The following AMPH variants were observed in gnomAD, a reference collection of about 807,000 sequenced individuals.
The protein encoded by AMPH is amphiphysin (Stiff-Mann syndrome with breast cancer 128kD autoantigen).
In AMPH, 49 loss-of-function variants were observed where a neutral mutation model predicts 99.1. The observed-to-expected ratio is 0.49, with a 90% CI of 0.39 to 0.63. The LOEUF (loss-of-function observed/expected upper bound fraction) is 0.63, where lower values mean the gene tolerates loss of function less well. AMPH is among the 20% of genes least tolerant of loss of function. The pLI is 0.00. For synonymous variants in AMPH, 314 were observed against 317.3 expected (o/e 0.99, Z 0.11); for missense variants, 759 against 863.4 (o/e 0.88, Z 1.52).
At chr7:38,464,000 T>C in intron 9 of AMPH, 3 of 1,221,152 alleles carry the variant, frequency 2.5e-6, no homozygotes, top group South Asian at 1.3e-5. Context: ...ACATGCCACA[T>C]GATTGGGGTC....
intron 1 of AMPH, among the ~76,000 whole-genome samples, chr7:38,577,565 C>A (rs77644163): frequency 0.029 from 4,367 of 152,102 alleles, 181 homozygotes; most frequent in East Asian, 0.084. Flanking sequence ...TCCTGAAAAC[C>A]AGCACTTAAC....
intron 1 of AMPH, among the ~76,000 whole-genome samples, chr7:38,602,976 A>C (rs1244840673): frequency 2.6e-5 from 4 of 152,188 alleles, no homozygotes; most frequent in Non-Finnish European, 5.9e-5. Flanking sequence ...TTAAACTAAA[A>C]GGATATGATG....
chr7:38,561,806 C>T (rs139028422), intron 1 of AMPH, among the ~76,000 whole-genome samples: 45 of 152,138 alleles, frequency 3.0e-4, no homozygotes, highest in African/African-American at 9.2e-4. Flanking sequence ...GGAACAGACA[C>T]CAGCGTTTCC....
rs528030560 is a variant in AMPH, at chr7:38,385,843, AG to A, written c.1981-919del. ...GTCTAGCTGGAAAAGCTGTGTTGAA[AG>A]GAACAGTGGGAAATGAGACCATAGG... On this transcript the variant is annotated intron_variant, in intron 20 of 20. Transcript: ENST00000356264. 1.9e-3 allele frequency among the ~76,000 whole-genome samples: 294 copies of A among 152,330 alleles called. 1 individual carries two copies. The highest frequency in any genetic ancestry group is 6.7e-3 in the African/African-American group (280 of 41,562).
intron 3 of AMPH, among the ~76,000 whole-genome samples, chr7:38,500,687 G>A (rs1217487389): frequency 1.3e-5 from 2 of 152,172 alleles, no homozygotes; most frequent in African/African-American, 4.8e-5. Flanking sequence ...AAAGTCCTGT[G>A]CTTGAAATGA....
At chr7:38,610,271 AGAAAGAAAGAAAGAAAGAAAGAAAG>A (rs1793594555) in intron 1 of AMPH, among the ~76,000 whole-genome samples, 1 of 30,268 alleles carries the variant, frequency 3.3e-5, no homozygotes, top group South Asian at 5.6e-4. Flanking sequence ...AAAGAAAGAA[AGAAAGAAAGAAAGAAAGAAAGAAAG>A]AAAAGAAAAG....
chr7:38,547,422 A>G (rs1048626935), intron 1 of AMPH, among the ~76,000 whole-genome samples: 2 of 152,202 alleles, frequency 1.3e-5, no homozygotes, highest in Non-Finnish European at 1.5e-5. Context: ...TCACCAGACC[A>G]AAAACAACTT....
intron 1 of AMPH, among the ~76,000 whole-genome samples, chr7:38,603,796 C>G (rs753427256): frequency 6.6e-6 from 1 of 152,160 alleles, no homozygotes; most frequent in African/African-American, 2.4e-5. Flanking sequence ...TTCCCTGAGG[C>G]CTCAAAGGAT....
chr7:38,406,190 A>G (rs1784979203), intron 17 of AMPH, among the ~76,000 whole-genome samples: 1 of 152,174 alleles, frequency 6.6e-6, no homozygotes, highest in Non-Finnish European at 1.5e-5. Context: ...ACAACATATC[A>G]AAACTTCTGG....
intron 11 of AMPH, among the ~76,000 whole-genome samples, chr7:38,440,721 T>C (rs1233624584): frequency 6.6e-6 from 1 of 152,094 alleles, no homozygotes; most frequent in Non-Finnish European, 1.5e-5. Context: ...TAGACTGTGA[T>C]AAATTAAAAT....
intron 9 of AMPH, 145 bp from the exon 10 acceptor site, chr7:38,463,258 T>C (rs752930792): frequency 8.6e-6 from 9 of 1,045,718 alleles, no homozygotes; most frequent in Non-Finnish European, 1.2e-5. Flanking sequence ...TTCTGGTTAA[T>C]TGCAACAGTG....
At chr7:38,435,165 A>C (rs1251058731) in intron 12 of AMPH, among the ~76,000 whole-genome samples, 1 of 152,226 alleles carries the variant, frequency 6.6e-6, no homozygotes, top group East Asian at 1.9e-4. Context: ...TTTGCAAAGC[A>C]TCTTCAAGGC....
rs1422460845 is a variant in AMPH, at chr7:38,461,267, T to C, written c.1017+16A>G. The stretch of plus-strand genomic sequence containing the variant: ...GGGACTTTCATGGACATACCAGCCC[T>C]GAACCAGGCACTTACCTGGGAAGGT... On this transcript the variant is annotated intron_variant, in intron 11 of 20. Coordinates refer to ENST00000356264, the MANE Select transcript of AMPH (RefSeq NM_001635.4). 2 of 1,601,484 alleles carry C rather than the reference T, an allele frequency of 1.2e-6. No homozygotes were observed. The highest frequency in any genetic ancestry group is 1.1e-5 in the South Asian group (1 of 91,010).
chr7:38,422,790 T>C (rs1013564189), intron 15 of AMPH, among the ~76,000 whole-genome samples: 4 of 152,146 alleles, frequency 2.6e-5, no homozygotes, highest in African/African-American at 7.2e-5. Flanking sequence ...GGCTAATTTT[T>C]GCATTTTTTT....
At chr7:38,456,035 C>T (rs567194811) in intron 11 of AMPH, among the ~76,000 whole-genome samples, 20 of 152,358 alleles carry the variant, frequency 1.3e-4, no homozygotes, top group South Asian at 1.0e-3. Flanking sequence ...GGGGCCCCCA[C>T]CTTCCCCAGT....
At chr7:38,406,731 C>CTCTCTCTCTCTCTCTCTCTCTCTCTCTCT (rs1562732477) in intron 17 of AMPH, among the ~76,000 whole-genome samples, 1 of 80,580 alleles carries the variant, frequency 1.2e-5, no homozygotes. Flanking sequence ...TCTCCCTTTC[C>CTCTCTCTCTCTCTCTCTCTCTCTCTCTCT]CTCTCTCTCT....
In AMPH at chr7:38,481,356, AGTT is replaced by A. The variant is rs141285544; in HGVS notation, c.397-4390_397-4388del. Reference sequence around the variant, plus strand: ...TACATTTCTTGAAAAGAGAAAAAGAAGTTGTTGAGATTTCTCATTGTGCACTGA... The same window carrying A: ...TACATTTCTTGAAAAGAGAAAAAGAAGTTGAGATTTCTCATTGTGCACTGA... On this transcript the variant is annotated intron_variant, in intron 5 of 20. Coordinates refer to ENST00000356264, the MANE Select transcript of AMPH (RefSeq NM_001635.4). Among the ~76,000 whole-genome samples the A allele has an allele frequency of 0.011, 1,721 of 152,274 alleles. 73 individuals are homozygous for A. The East Asian group carries it at 0.16, about 14-fold the overall frequency.
At chr7:38,528,358 T>A (rs547677712) in intron 2 of AMPH, among the ~76,000 whole-genome samples, 1 of 152,210 alleles carries the variant, frequency 6.6e-6, no homozygotes, top group African/African-American at 2.4e-5. Flanking sequence ...AGTGAAACTA[T>A]CAGAGGGTGT....
intron 2 of AMPH, among the ~76,000 whole-genome samples, chr7:38,515,401 T>C (rs1487356834): frequency 2.6e-5 from 4 of 152,166 alleles, no homozygotes. Flanking sequence ...TTTAAAAGTG[T>C]GTAGCACTTC....
Sources: gnomAD v4.1 joint callset for allele counts (sites outside exome capture counted in the v4.1 genomes callset) on GRCh38, gnomAD v4.1.1 for gene constraint, MANE v1.5 for transcripts, NCBI Gene and HGNC (gene_info 2026-07-23, HGNC 2026-07-21) for gene names.